Variants in HECW1 observed in about 807,000 individuals in gnomAD.
HECW1 encodes HECT, C2 and WW domain containing E3 ubiquitin protein ligase 1.
In HECW1, 61 loss-of-function variants were observed where a neutral mutation model predicts 182.3. The observed-to-expected ratio is 0.33, with a 90% CI of 0.27 to 0.41. The LOEUF is 0.41. HECW1 is among the 10% of genes least tolerant of loss of function. The pLI, the probability that HECW1 is intolerant of heterozygous loss-of-function variation, is 1.00. For missense variants in HECW1, 1,739 were observed against 2,108.9 expected, an observed-to-expected ratio of 0.82 and a Z score of 3.44; for synonymous variants, 859 against 832.6, an observed-to-expected ratio of 1.03 and a Z score of -0.55.
intron 8 of HECW1, among the ~76,000 whole-genome samples, chr7:43,431,797 ACT>A (rs1227248949): frequency 2.0e-5 from 3 of 151,848 alleles, no homozygotes; most frequent in African/African-American, 7.3e-5. Flanking sequence ...GGACTCATGT[ACT>A]CTGTGAACTT....
intron 2 of HECW1, among the ~76,000 whole-genome samples, chr7:43,203,582 C>T (rs1168062412): frequency 6.6e-6 from 1 of 152,194 alleles, no homozygotes; most frequent in Admixed American, 6.5e-5. Flanking sequence ...TCCTGAATAG[C>T]TGGGATTACA....
At chr7:43,435,446 G>A (rs1375395901) in intron 8 of HECW1, among the ~76,000 whole-genome samples, 4 of 152,186 alleles carry the variant, frequency 2.6e-5, no homozygotes, top group Non-Finnish European at 5.9e-5. Flanking sequence ...TTATATAGGA[G>A]TTAACTAAAA....
At chr7:43,162,824 G>C (rs945693364) in intron 2 of HECW1, 5 of 152,212 alleles carry the variant, frequency 3.3e-5, no homozygotes, top group African/African-American at 1.2e-4. Context: ...TGGAGCACTT[G>C]TTCTGTGGGA....
intron 2 of HECW1, among the ~76,000 whole-genome samples, chr7:43,135,127 C>A (rs1787386727): frequency 6.6e-6 from 1 of 152,098 alleles, no homozygotes; most frequent in African/African-American, 2.4e-5. Flanking sequence ...TCTTCCCTCT[C>A]TTTTTTCACT....
At chr7:43,427,840 G>A (rs1435400995) in intron 8 of HECW1, among the ~76,000 whole-genome samples, 1 of 152,132 alleles carries the variant, frequency 6.6e-6, no homozygotes, top group Non-Finnish European at 1.5e-5. Flanking sequence ...AGCCATTGAT[G>A]GAGAATGTCC....
intron 17 of HECW1, among the ~76,000 whole-genome samples, chr7:43,480,682 C>T (rs905389591): frequency 4.9e-5 from 6 of 123,364 alleles, no homozygotes; most frequent in South Asian, 3.4e-4. Flanking sequence ...CACATATATA[C>T]GCATATATAT....
intron 2 of HECW1, among the ~76,000 whole-genome samples, chr7:43,187,120 G>C (rs1172160327): frequency 6.6e-6 from 1 of 152,226 alleles, no homozygotes; most frequent in Non-Finnish European, 1.5e-5. Flanking sequence ...CTCCTATGAG[G>C]ACTCACCACA....
chr7:43,200,274 A>G (rs2152689151), intron 2 of HECW1, among the ~76,000 whole-genome samples: 1 of 152,360 alleles, frequency 6.6e-6, no homozygotes, highest in Middle Eastern at 3.4e-3. Context: ...TAATACTGTT[A>G]GAAAAAGTAA....
At chr7:43,250,729 T>A (rs1799938561) in intron 3 of HECW1, among the ~76,000 whole-genome samples, 1 of 152,200 alleles carries the variant, frequency 6.6e-6, no homozygotes, top group Non-Finnish European at 1.5e-5. Context: ...TTATTTTATT[T>A]GGCTGCCGGT....
At position 43,260,619 on chromosome 7, in the gene HECW1, G is replaced by A. The variant is rs951915198; in HGVS notation, c.27+16687G>A. Among the ~76,000 whole-genome samples the A allele has an allele frequency of 8.5e-5, 13 of 152,254 alleles. 1 individual carries two copies. The East Asian group carries it at 2.5e-3, about 29-fold the overall frequency. The stretch of plus-strand genomic sequence containing the variant: ...CTGAGGAGATACCAGGAGGCCATAG[G>A]AGTGGCTCAGGTGAGAAATGATGGT... On this transcript the variant is annotated intron_variant, in intron 3 of 29. Coordinates refer to ENST00000395891, the MANE Select transcript of HECW1 (RefSeq NM_015052.5).
intron 2 of HECW1, among the ~76,000 whole-genome samples, chr7:43,201,156 G>A (rs760200015): frequency 3.9e-5 from 6 of 152,126 alleles, no homozygotes; most frequent in Non-Finnish European, 7.3e-5. Flanking sequence ...ACTGGTCCTT[G>A]GTGTTCCTTT....
Position 43,218,460 on chromosome 7 carries a change from T to C in HECW1, c.-31-25415T>C, listed in dbSNP as rs754389632. Among the ~76,000 whole-genome samples the C allele has an allele frequency of 3.3e-5, 5 of 152,112 alleles. No homozygotes were observed. In the South Asian group the frequency reaches 6.2e-4, roughly 19 times the overall value. ...ATGCACATCTTTATCTTAGAAGCAA[T>C]TGGGTCCTGATAACACATTTTGGTG... On this transcript the variant is annotated intron_variant, in intron 2 of 29. Transcript: ENST00000395891.
chr7:43,468,133 A>C (rs1371904529), intron 15 of HECW1, among the ~76,000 whole-genome samples: 1 of 151,236 alleles, frequency 6.6e-6, no homozygotes, highest in African/African-American at 2.4e-5. Context: ...GTACCGTCAC[A>C]TTGTCATTTC....
intron 3 of HECW1, among the ~76,000 whole-genome samples, chr7:43,282,645 C>G (rs747123248): frequency 1.3e-5 from 2 of 151,954 alleles, no homozygotes; most frequent in Non-Finnish European, 2.9e-5. Flanking sequence ...AAATAAAATA[C>G]CAAATTTAAA....
intron 2 of HECW1, among the ~76,000 whole-genome samples, chr7:43,142,421 G>A (rs192642389): frequency 1.6e-4 from 25 of 152,204 alleles, no homozygotes; most frequent in Admixed American, 1.3e-3. Context: ...CATGCTGAAG[G>A]GTAGCACTGG....
chr7:43,538,095 T>C (rs115809282), intron 24 of HECW1, among the ~76,000 whole-genome samples: 334 of 152,308 alleles, frequency 2.2e-3, no homozygotes, highest in African/African-American at 7.2e-3. Flanking sequence ...CCGGTGGGCA[T>C]CCAACCTGAG....
intron 24 of HECW1, among the ~76,000 whole-genome samples, chr7:43,510,792 C>A (rs768984968): frequency 2.5e-4 from 38 of 152,156 alleles, no homozygotes; most frequent in Admixed American, 5.2e-4. Context: ...TGAATGGAAG[C>A]TGACGTTTGA....
chr7:43,113,262 A>G (rs1052516753), intron 1 of HECW1, among the ~76,000 whole-genome samples: 3 of 152,064 alleles, frequency 2.0e-5, no homozygotes, highest in Non-Finnish European at 4.4e-5. Flanking sequence ...GCGCCCTCCC[A>G]GTGGCGAGGA....
In HECW1 at chr7:43,564,004, G is replaced by A. The variant is rs896409011; in HGVS notation, c.*2078G>A. 2 of 188,412 alleles carry A rather than the reference G, an allele frequency of 1.1e-5. No homozygotes were observed. The highest frequency in any genetic ancestry group is 2.2e-5 in the Non-Finnish European group (2 of 89,490). 11.7% of individuals were successfully genotyped at this position (188,412 alleles called of 1,614,324 possible). ...AATTTAGACTTTTATTGTCTAAAAA[G>A]AATATTTACTGAGACAGGATGGAAT... On this transcript the variant is annotated 3_prime_UTR_variant, in exon 30 of 30. Transcript: ENST00000395891.
Sources: gnomAD v4.1 joint callset for allele counts (sites outside exome capture counted in the v4.1 genomes callset) on GRCh38, gnomAD v4.1.1 for gene constraint, MANE v1.5 for transcripts, NCBI Gene and HGNC (gene_info 2026-07-23, HGNC 2026-07-21) for gene names.